Variants in RIPOR2 observed in about 807,000 individuals in gnomAD.
The protein encoded by RIPOR2 is RHO family interacting cell polarization regulator 2, also known as rho family-interacting cell polarization regulator 2.
Under a neutral mutation model 114.5 loss-of-function variants are expected in RIPOR2, and 39 were observed. The ratio of observed to expected loss-of-function variants is 0.34; its 90% CI spans 0.26 to 0.44. The LOEUF (loss-of-function observed/expected upper bound fraction) is 0.44. Ranked by LOEUF, RIPOR2 falls within the 20% of genes least tolerant of loss-of-function variation. The probability of loss-of-function intolerance (pLI) is 1.00; values close to 1 mark genes in which losing one functional copy is unlikely to be tolerated. For missense variants in RIPOR2, 1,007 were observed against 1,255.1 expected (o/e 0.80, Z 2.99); for synonymous variants, 445 against 484.4 (o/e 0.92, Z 1.07).
At chr6:24,867,583 C>G (rs1406585190) in intron 6 of RIPOR2, among the ~76,000 whole-genome samples, 1 of 152,236 alleles carries the variant, frequency 6.6e-6, no homozygotes, top group African/African-American at 2.4e-5. Context: ...AGCTTGTTAT[C>G]CTTTCAATAA....
rs139666567 is a variant in RIPOR2, at chr6:24,880,042, T to C, written c.62-4225A>G. ...ATTGCAGTATTACTGCTGGTAGGGA[T>C]GTAAAATGGAATTAAAATTTTGGAG... On this transcript the variant is annotated intron_variant, in intron 1 of 21. Coordinates refer to ENST00000643898, the MANE Select transcript of RIPOR2 (RefSeq NM_001286445.3). Among the ~76,000 whole-genome samples, 234 of 152,374 alleles carry C rather than the reference T, an allele frequency of 1.5e-3. 1 individual carries two copies. Among genetic ancestry groups the C allele is most frequent in the Non-Finnish European group, 3.1e-3 (209 of 68,040 alleles).
chr6:24,971,740 C>T (rs1054174935), intron 1 of RIPOR2, among the ~76,000 whole-genome samples: 4 of 152,208 alleles, frequency 2.6e-5, no homozygotes, highest in Admixed American at 6.5e-5. Flanking sequence ...ATCCCAACGC[C>T]GGCAGGCAGT....
chr6:24,951,359 C>T (rs1056382349), intron 1 of RIPOR2, among the ~76,000 whole-genome samples: 4 of 152,156 alleles, frequency 2.6e-5, no homozygotes, highest in South Asian at 2.1e-4. Context: ...CATTTTCTCA[C>T]GTAAATTAAT....
intron 1 of RIPOR2, among the ~76,000 whole-genome samples, chr6:24,966,005 AC>A (rs1238761639): frequency 6.6e-6 from 1 of 152,244 alleles, no homozygotes; most frequent in Non-Finnish European, 1.5e-5. Context: ...CATGTACAAA[AC>A]CAACTGCAGC....
At chr6:24,956,841 C>A (rs1581872108) in intron 1 of RIPOR2, among the ~76,000 whole-genome samples, 1 of 152,158 alleles carries the variant, frequency 6.6e-6, no homozygotes, top group African/African-American at 2.4e-5. Flanking sequence ...TCTTGTAGTT[C>A]TTTTAAGATT....
At chr6:24,985,551 G>A (rs1774493192) in intron 1 of RIPOR2, among the ~76,000 whole-genome samples, 1 of 152,162 alleles carries the variant, frequency 6.6e-6, no homozygotes, top group Non-Finnish European at 1.5e-5. Flanking sequence ...GGACATCCAA[G>A]CTGGCTTGCC....
chr6:24,846,624 T>A (rs1158547760), intron 12 of RIPOR2, among the ~76,000 whole-genome samples: 3 of 152,102 alleles, frequency 2.0e-5, no homozygotes, highest in African/African-American at 7.2e-5. Flanking sequence ...CATTTTTTAA[T>A]TCAATGAAAA....
At chr6:25,028,204 A>G (rs1189319292) in intron 1 of RIPOR2, among the ~76,000 whole-genome samples, 2 of 152,198 alleles carry the variant, frequency 1.3e-5, no homozygotes, top group Non-Finnish European at 2.9e-5. Context: ...ATATCTCCTT[A>G]GCTGCCCTCA....
intron 1 of RIPOR2, among the ~76,000 whole-genome samples, chr6:25,016,788 A>G (rs1776026034): frequency 6.6e-6 from 1 of 152,220 alleles, no homozygotes; most frequent in Admixed American, 6.5e-5. Flanking sequence ...TCTATCTCAT[A>G]ATTAGAAAAA....
chr6:24,810,416 A>T (rs9467322), intron 20 of RIPOR2, among the ~76,000 whole-genome samples: 126,843 of 152,178 alleles, frequency 0.83, 53,385 homozygotes, highest in East Asian at 0.97. Flanking sequence ...GGCTCTAATT[A>T]AAAAATTCTT....
At chr6:24,946,798 C>T (rs1242282398) in intron 1 of RIPOR2, among the ~76,000 whole-genome samples, 1 of 152,170 alleles carries the variant, frequency 6.6e-6, no homozygotes, top group African/African-American at 2.4e-5. Flanking sequence ...CCAGTCTCTC[C>T]TGACGTATTT....
intron 1 of RIPOR2, among the ~76,000 whole-genome samples, chr6:24,905,748 T>C (rs1208801327): frequency 6.6e-6 from 1 of 152,230 alleles, no homozygotes; most frequent in Non-Finnish European, 1.5e-5. Flanking sequence ...TTATTTCTCC[T>C]AGTAGGAGGA....
At chr6:24,819,497 T>G (rs1759472949) in intron 19 of RIPOR2, among the ~76,000 whole-genome samples, 1 of 151,410 alleles carries the variant, frequency 6.6e-6, no homozygotes, top group Non-Finnish European at 1.5e-5. Flanking sequence ...GTTTAAAAAA[T>G]CTCTGCATAA....
intron 1 of RIPOR2, among the ~76,000 whole-genome samples, chr6:25,040,120 C>CTTTT (rs11384967): frequency 6.9e-6 from 1 of 144,864 alleles, no homozygotes; most frequent in Admixed American, 6.8e-5. Flanking sequence ...TAGACTTCTA[C>CTTTT]TTTTTTTTTT....
intron 1 of RIPOR2, among the ~76,000 whole-genome samples, chr6:24,956,958 T>C (rs1223874182): frequency 2.0e-5 from 3 of 152,274 alleles, no homozygotes; most frequent in Non-Finnish European, 4.4e-5. Context: ...CAAGTTTTAT[T>C]TATTGAACAA....
At chr6:24,984,655 A>AAAG (rs57454074) in intron 1 of RIPOR2, among the ~76,000 whole-genome samples, 6,093 of 151,466 alleles carry the variant, frequency 0.04, 284 homozygotes, top group African/African-American at 0.11. Context: ...GTCTCTCAAA[A>AAAG]AAAAAACCTA....
In RIPOR2 at chr6:24,951,868, A is replaced by G. The variant is rs765288039; in HGVS notation, c.77-76051T>C. Among the ~76,000 whole-genome samples, 98 of 152,282 alleles carry G rather than the reference A, an allele frequency of 6.4e-4. 2 individuals are homozygous for G. The highest frequency in any genetic ancestry group is 3.7e-3 in the Admixed American group (57 of 15,292). ...CACACTGGGATGAGGGCATATGAGA[A>G]CGGAACTTGTGGTAAAGACTACCTT... On this transcript the variant is annotated intron_variant, in intron 1 of 13. Coordinates refer to the RIPOR2 transcript ENST00000510784.
intron 1 of RIPOR2, among the ~76,000 whole-genome samples, chr6:24,901,615 C>T (rs932551157): frequency 3.3e-5 from 5 of 152,106 alleles, no homozygotes; most frequent in African/African-American, 1.2e-4. Context: ...TTTCCATTTG[C>T]AAAACCAAGT....
At chr6:25,006,184 T>TA (rs1443981972) in intron 1 of RIPOR2, among the ~76,000 whole-genome samples, 3 of 152,226 alleles carry the variant, frequency 2.0e-5, no homozygotes, top group Non-Finnish European at 4.4e-5. Context: ...TCTTTCCATA[T>TA]ACCAACACAT....
Sources: gnomAD v4.1 joint callset for allele counts (sites outside exome capture counted in the v4.1 genomes callset) on GRCh38, gnomAD v4.1.1 for gene constraint, MANE v1.5 for transcripts, NCBI Gene and HGNC (gene_info 2026-07-23, HGNC 2026-07-21) for gene names.